The following MTM1 variants were observed in gnomAD, a reference collection of about 807,000 sequenced individuals.
The protein encoded by MTM1 is myotubularin.
MTM1 carries 9 observed loss-of-function variants against 52.1 expected under a neutral mutation model. That is an observed-to-expected ratio of 0.17 (90% CI 0.10 to 0.30). MTM1 has a LOEUF of 0.30. Among genes scored for constraint, MTM1 ranks in the 10% least tolerant of loss-of-function variants. MTM1 has a pLI of 1.00. For synonymous variants in MTM1, 136 were observed against 163.8 expected (o/e 0.83, Z 1.29); for missense variants, 277 against 470.7 (o/e 0.59, Z 3.81).
chrX:150,612,555 T>C (rs1603147395), intron 4 of MTM1, among the ~76,000 whole-genome samples: 1 of 107,696 alleles, frequency 9.3e-6, no homozygotes, highest in East Asian at 3.0e-4. Context: ...AAATAATTAG[T>C]TGGGCGTGGT....
chrX:150,644,838 C>T (rs2039904624), intron 8 of MTM1, among the ~76,000 whole-genome samples: 1 of 111,057 alleles, frequency 9.0e-6, no homozygotes, highest in Non-Finnish European at 1.9e-5. Flanking sequence ...GTTAGAACCA[C>T]GGCAGAGATG....
intron 6 of MTM1, among the ~76,000 whole-genome samples, chrX:150,634,220 A>G (rs2039718208): frequency 8.9e-6 from 1 of 112,585 alleles, no homozygotes; most frequent in South Asian, 3.6e-4. Context: ...TCCCCTGATT[A>G]TGAGCTGGAG....
intron 4 of MTM1, among the ~76,000 whole-genome samples, chrX:150,612,070 C>G (rs1603146646): frequency 1.8e-5 from 2 of 110,314 alleles, no homozygotes; most frequent in Admixed American, 1.9e-4. Flanking sequence ...TGGCATGTAC[C>G]TGTAGTCCCA....
At chrX:150,608,567 G>A (rs1458468003) in intron 4 of MTM1, among the ~76,000 whole-genome samples, 1 of 111,450 alleles carries the variant, frequency 9.0e-6, no homozygotes, top group Non-Finnish European at 1.9e-5. Flanking sequence ...CGTGTGCAAC[G>A]TGTTTTGAAA....
At chrX:150,663,012 A>G (rs1557414758) in intron 13 of MTM1, among the ~76,000 whole-genome samples, 1 of 112,341 alleles carries the variant, frequency 8.9e-6, no homozygotes, top group African/African-American at 3.2e-5. Context: ...TGTCAAGTAG[A>G]CACAGATTAA....
At chrX:150,601,478 C>T (rs1203790518) in intron 4 of MTM1, among the ~76,000 whole-genome samples, 7 of 112,352 alleles carry the variant, frequency 6.2e-5, no homozygotes, top group Non-Finnish European at 1.1e-4. Context: ...ATCTCACTGG[C>T]GTTTTGAAGT....
rs587783785 is a variant in MTM1 at position 150,660,393 on chromosome X, A to G, written c.1376A>G (p.Asn459Ser). ...SKQFPTAFEF[N>S]EQFLIIILDH... ...TAGTTCCCTACAGCTTTTGAATTCA[A>G]TGAACAATTTTTGATTATAATTTTG... The change falls in exon 13 of 15, where the codon AAT becomes AGT. Residue 459 changes from asparagine (N) to serine (S), a missense_variant. Around this residue, in one of 4 missense-constraint regions of MTM1, gnomAD observed 59 missense variants for 107.8 expected, o/e 0.55. Coordinates refer to ENST00000370396, the MANE Select transcript of MTM1 (RefSeq NM_000252.3). The G allele has an allele frequency of 1.8e-5, 22 of 1,194,034 alleles. No homozygotes were observed. Among genetic ancestry groups the G allele is most frequent in the East Asian group, 1.8e-4 (6 of 33,704 alleles).
chrX:150,628,739 C>CT (rs113494126), intron 6 of MTM1, among the ~76,000 whole-genome samples: 23,312 of 100,590 alleles, frequency 0.23, 3,247 homozygotes, highest in African/African-American at 0.5. Flanking sequence ...TTCTTGTTTT[C>CT]TTTTTTTTTT....
At chrX:150,589,462 AT>A (rs782765917) in intron 1 of MTM1, among the ~76,000 whole-genome samples, 2 of 111,820 alleles carry the variant, frequency 1.8e-5, no homozygotes, top group African/African-American at 6.5e-5. Flanking sequence ...AAAAATCAAC[AT>A]TTTTTTGTTT....
intron 3 of MTM1, among the ~76,000 whole-genome samples, chrX:150,597,825 A>G (rs896910574): frequency 8.9e-6 from 1 of 111,769 alleles, no homozygotes; most frequent in African/African-American, 3.3e-5. Context: ...GGTGGCTCAC[A>G]CCTGTAATCC....
intron 14 of MTM1, among the ~76,000 whole-genome samples, 174 bp from the exon 15 acceptor site, chrX:150,671,254 G>C (rs1370880180): frequency 8.9e-6 from 1 of 111,811 alleles, no homozygotes; most frequent in Admixed American, 9.5e-5. Context: ...AGTACTCTGT[G>C]TTGTACTTTC....
chrX:150,583,891 AT>A, intron 1 of MTM1, among the ~76,000 whole-genome samples: 1 of 30,309 alleles, frequency 3.3e-5, no homozygotes. Flanking sequence ...ATATATATAT[AT>A]ATTTGATATA....
At chrX:150,635,084 G>A (rs897970171) in intron 6 of MTM1, among the ~76,000 whole-genome samples, 16 of 111,485 alleles carry the variant, frequency 1.4e-4, no homozygotes, top group African/African-American at 4.9e-4. Flanking sequence ...CCCCAATTCT[G>A]AGGCAGAGCC....
intron 6 of MTM1, among the ~76,000 whole-genome samples, chrX:150,632,762 A>G (rs1489225729): frequency 5.4e-5 from 6 of 111,081 alleles, no homozygotes; most frequent in African/African-American, 2.0e-4. Context: ...GGATGGGATG[A>G]TAGGGAAGAA....
At chrX:150,580,206 T>C (rs1557411813) in intron 1 of MTM1, among the ~76,000 whole-genome samples, 1 of 111,873 alleles carries the variant, frequency 8.9e-6, no homozygotes, top group African/African-American at 3.3e-5. Context: ...TTGAATTACG[T>C]TAATAGAAGC....
At chrX:150,596,773 T>G (rs2038984222) in intron 3 of MTM1, 3 of 393,176 alleles carry the variant, frequency 7.6e-6, no homozygotes, top group Non-Finnish European at 8.9e-6. Context: ...GGTAGTGATA[T>G]TCTTGTGTCT....
At chrX:150,570,878 A>G (rs2038360730) in intron 1 of MTM1, among the ~76,000 whole-genome samples, 1 of 112,672 alleles carries the variant, frequency 8.9e-6, no homozygotes, top group East Asian at 2.8e-4. Context: ...GTAAAAGTTC[A>G]TCTGTTTAAT....
intron 13 of MTM1, among the ~76,000 whole-genome samples, chrX:150,662,844 A>G (rs1402737979): frequency 9.0e-6 from 1 of 110,802 alleles, no homozygotes; most frequent in African/African-American, 3.3e-5. Flanking sequence ...ATAAAAAGCA[A>G]TGAAAATGTG....
intron 6 of MTM1, among the ~76,000 whole-genome samples, chrX:150,630,472 A>C (rs73620652): frequency 0.033 from 3,732 of 111,895 alleles, 152 homozygotes; most frequent in African/African-American, 0.11. Context: ...ATAGGTGAAA[A>C]TGTAGCTTCC....
Sources: gnomAD v4.1 joint callset for allele counts (sites outside exome capture counted in the v4.1 genomes callset) on GRCh38, gnomAD v4.1.1 for gene constraint, gnomAD v4.1.1 regional missense constraint, MANE v1.5 for transcripts, NCBI Gene and HGNC (gene_info 2026-07-23, HGNC 2026-07-21) for gene names.